SYNE1: variants seen among roughly 807,000 people sequenced by gnomAD.
SYNE1 encodes the protein nesprin-1.
Under a neutral mutation model 1,111.0 loss-of-function variants are expected in SYNE1, and 616 were observed. The observed-to-expected ratio is 0.55, with a 90% CI of 0.52 to 0.59. SYNE1 has a LOEUF of 0.59. SYNE1 is among the 20% of genes least tolerant of loss of function. The pLI is 0.00. For missense variants in SYNE1, 10,006 were observed against 10,417.0 expected (o/e 0.96, Z 1.72); for synonymous variants, 3,855 against 3,825.8 (o/e 1.01, Z -0.28).
chr6:152,585,440 T>C (rs2099534797), intron 3 of SYNE1, among the ~76,000 whole-genome samples: 1 of 152,268 alleles, frequency 6.6e-6, no homozygotes, highest in Admixed American at 6.5e-5. Flanking sequence ...TCAATGTTTA[T>C]GCACGTCTCT....
intron 46 of SYNE1, 132 bp from the exon 47 acceptor site, chr6:152,401,473 AAT>A: frequency 1.2e-6 from 1 of 851,968 alleles, no homozygotes; most frequent in Non-Finnish European, 1.9e-6. Context: ...CTCCAATGTT[AAT>A]ATGCCTTTCC....
chr6:152,245,985 CCT>C (rs1588631213), intron 105 of SYNE1, among the ~76,000 whole-genome samples: 1 of 152,216 alleles, frequency 6.6e-6, no homozygotes, highest in East Asian at 1.9e-4. Flanking sequence ...ATGTGGGGCC[CCT>C]GAGTCTTCTC....
At chr6:152,503,838 A>G (rs1019414798) in intron 9 of SYNE1, among the ~76,000 whole-genome samples, 2 of 152,196 alleles carry the variant, frequency 1.3e-5, no homozygotes, top group African/African-American at 4.8e-5. Flanking sequence ...AATATTTAAT[A>G]CATGATTTAA....
rs1042328080 is a variant in SYNE1, at chr6:152,599,041, A to G, written c.67+29224T>C. The stretch of plus-strand genomic sequence containing the variant: ...GAACAAACATCTGGATTTAATTTTC[A>G]CCCTTCTCGTGAGATAATAAACAGC... On this transcript the variant is annotated intron_variant, in intron 3 of 145. Coordinates refer to ENST00000367255, the MANE Select transcript of SYNE1 (RefSeq NM_182961.4). 2.6e-5 allele frequency among the ~76,000 whole-genome samples: 4 copies of G among 152,104 alleles called. No homozygotes were observed. The East Asian group carries it at 7.7e-4, about 29-fold the overall frequency.
rs1431349752 is a variant in SYNE1, at chr6:152,339,311, C to A, written c.12281G>T (p.Cys4094Phe). 1 of 1,614,066 alleles carries A rather than the reference C, an allele frequency of 6.2e-7. No individual in the cohort carries two copies. The highest frequency in any genetic ancestry group is 1.1e-5 in the South Asian group (1 of 91,088). Reference protein sequence around the residue: ...EQARTYLDLLCSMCDLSNASV... With the variant: ...EQARTYLDLLFSMCDLSNASV... Reference sequence around the variant, plus strand: ...AGCATTTGACAGGTCACACATGGAGCAAAGGAGATCTAGGTAGGTCCTTGC... The same window carrying A: ...AGCATTTGACAGGTCACACATGGAGAAAAGGAGATCTAGGTAGGTCCTTGC... The change falls in exon 75 of 146, where the codon TGC (cysteine) becomes TTC (phenylalanine). Residue 4094 changes from cysteine (C) to phenylalanine (F), a missense_variant. By Grantham distance (205) the Cys-to-Phe change is radical. Coordinates refer to ENST00000367255, the MANE Select transcript of SYNE1 (RefSeq NM_182961.4).
At chr6:152,610,235 C>T (rs761910651) in intron 3 of SYNE1, among the ~76,000 whole-genome samples, 3 of 152,050 alleles carry the variant, frequency 2.0e-5, no homozygotes, top group African/African-American at 7.2e-5. Context: ...CGCAAGGAAG[C>T]TAAAAACCTT....
chr6:152,422,783 A>G (rs2098287250), intron 39 of SYNE1, among the ~76,000 whole-genome samples: 1 of 152,256 alleles, frequency 6.6e-6, no homozygotes, highest in Admixed American at 6.5e-5. Flanking sequence ...CTCTGGGATT[A>G]TGGGCATGAG....
chr6:152,169,284 A>G (rs2064484262), intron 130 of SYNE1, among the ~76,000 whole-genome samples: 1 of 152,038 alleles, frequency 6.6e-6, no homozygotes, highest in South Asian at 2.1e-4. Flanking sequence ...AATAAAAGAA[A>G]TACATTGGTG....
chr6:152,247,748 TATACACAC>T (rs1196516913), intron 105 of SYNE1, among the ~76,000 whole-genome samples: 53 of 90,894 alleles, frequency 5.8e-4, no homozygotes, highest in African/African-American at 2.7e-3. Flanking sequence ...TATATATATA[TATACACAC>T]ACACACACAC....
chr6:152,320,379 A>G (rs1210516342), intron 84 of SYNE1, among the ~76,000 whole-genome samples: 2 of 152,226 alleles, frequency 1.3e-5, no homozygotes, highest in Non-Finnish European at 2.9e-5. Flanking sequence ...GCACAACTGT[A>G]TGAGTTTTAC....
At chr6:152,151,868 C>A in intron 134 of SYNE1, 91 bp downstream of exon 134, 1 of 1,537,462 alleles carries the variant, frequency 6.5e-7, no homozygotes, top group South Asian at 1.2e-5. Context: ...CCCATTCTTA[C>A]AAAATCACTG....
At chr6:152,439,362 G>A (rs1370350130) in intron 32 of SYNE1, among the ~76,000 whole-genome samples, 2 of 152,084 alleles carry the variant, frequency 1.3e-5, no homozygotes, top group African/African-American at 2.4e-5. Context: ...ATTTATAAAA[G>A]GCACCTGATA....
chr6:152,452,320 TAATAA>T (rs1328634312), intron 25 of SYNE1, among the ~76,000 whole-genome samples: 3 of 148,738 alleles, frequency 2.0e-5, no homozygotes, highest in Non-Finnish European at 4.6e-5. Context: ...TGTGTGTGTG[TAATAA>T]AATACAACCT....
At position 152,447,188 on chromosome 6, in the gene SYNE1, T is replaced by C. The variant is rs938372909; in HGVS notation, c.3669+270A>G. Among the ~76,000 whole-genome samples the C allele has an allele frequency of 2.6e-5, 4 of 152,332 alleles. No homozygotes were observed. In the South Asian group the frequency reaches 8.3e-4, roughly 32 times the overall value. ...CTGACCATAAAATAACAATGCTTTT[T>C]ATAAGAGTAAAAACAGTGGATTTGA... On this transcript the variant is annotated intron_variant, in intron 29 of 145. Transcript: ENST00000367255.
chr6:152,310,148 G>A, intron 89 of SYNE1, 131 bp from the exon 90 acceptor site: 3 of 1,277,408 alleles, frequency 2.3e-6, no homozygotes, highest in Non-Finnish European at 3.2e-6. Flanking sequence ...TTAAAACAGT[G>A]TTGAGTTTAG....
At chr6:152,547,862 G>C (rs61102131) in intron 3 of SYNE1, among the ~76,000 whole-genome samples, 5,404 of 152,006 alleles carry the variant, frequency 0.036, 336 homozygotes, top group African/African-American at 0.12. Flanking sequence ...TTTTTTTATG[G>C]AGGAATAATA....
chr6:152,541,565 G>A (rs1462266257), intron 3 of SYNE1, among the ~76,000 whole-genome samples: 2 of 151,830 alleles, frequency 1.3e-5, no homozygotes, highest in Non-Finnish European at 2.9e-5. Context: ...TGGCTAACAC[G>A]GTGAAACCCT....
chr6:152,152,099 G>C lies in SYNE1; in HGVS notation c.24172C>G (p.Leu8058Val), dbSNP rs959219393. The change falls in exon 134 of 146, where the codon CTG becomes GTG. Residue 8058 changes from leucine (L) to valine (V), a missense_variant. By Grantham distance (32) the Leu-to-Val change is conservative. Transcript: ENST00000367255. The part of the protein sequence containing the change: ...QVHECLTQLE[L>V]INKQYRRLAR... ...AGGCGGCGGTACTGCTTGTTGATCA[G>C]TTCCAGCTGCGTCAGGCACTCGTGG... 1.2e-6 allele frequency: 2 copies of C among 1,614,044 alleles called. No homozygotes were observed. Among genetic ancestry groups the C allele is most frequent in the Non-Finnish European group, 1.7e-6 (2 of 1,180,040 alleles).
Position 152,249,180 on chromosome 6 carries a change from G to T in SYNE1, c.19553C>A (p.Pro6518His). 1.2e-6 allele frequency: 2 copies of T among 1,612,986 alleles called. No individual in the cohort carries two copies. The highest frequency in any genetic ancestry group is 8.5e-7 in the Non-Finnish European group (1 of 1,179,064). ...LQKLANVFEQ[P>H]VAEQIEAIQQ... ...AAATACCTCTATTTGTTCTGCTACG[G>T]GCTGTTCAAACACATTTGCCAGTTT... The change falls in exon 105 of 146, where the codon CCC becomes CAC. Residue 6518 changes from proline to histidine, a missense_variant. Pro to His is a moderately conservative substitution (Grantham distance 77, BLOSUM62 -2). Around this residue, in one of 7 missense-constraint regions of SYNE1, gnomAD observed 2,182 missense variants for 2,287.8 expected, o/e 0.95. Coordinates refer to ENST00000367255, the MANE Select transcript of SYNE1 (RefSeq NM_182961.4).
Sources: gnomAD v4.1 joint callset for allele counts (sites outside exome capture counted in the v4.1 genomes callset) on GRCh38, gnomAD v4.1.1 for gene constraint, gnomAD v4.1.1 regional missense constraint, MANE v1.5 for transcripts, NCBI Gene and HGNC (gene_info 2026-07-23, HGNC 2026-07-21) for gene names.